MPPED1: variants seen among roughly 807,000 people sequenced by gnomAD.
MPPED1 encodes metallophosphoesterase domain-containing protein 1.
In MPPED1, 16 loss-of-function variants were observed where a neutral mutation model predicts 36.2. The observed-to-expected ratio is 0.44, with a 90% CI of 0.30 to 0.67. The LOEUF is 0.67. Ranked by LOEUF, MPPED1 falls within the 30% of genes least tolerant of loss-of-function variation. The pLI, the probability that MPPED1 is intolerant of heterozygous loss-of-function variation, is 0.10. For synonymous variants in MPPED1, 199 were observed against 191.3 expected (o/e 1.04, Z -0.33); for missense variants, 307 against 453.4 (o/e 0.68, Z 2.93).
rs1390545903 is a variant in MPPED1, at chr22:43,424,886, C to G, written c.-78-22C>G. ...AATCCCAAACAGATTAACTGTCGCA[C>G]GGTTCTGCTCCGTCTCCTCAGTCTG... is the stretch of plus-strand genomic sequence containing the variant. On this transcript the variant is annotated intron_variant, in intron 1 of 6. Transcript: ENST00000443721. The G allele has an allele frequency of 6.7e-6, 10 of 1,499,188 alleles. No homozygotes were observed. In the East Asian group the frequency reaches 1.2e-4, roughly 19 times the overall value. 92.9% of individuals were successfully genotyped at this position (1,499,188 alleles called of 1,614,324 possible). A position where few individuals can be genotyped will look rare whatever the true frequency, so the allele number is the denominator to read the frequency against.
intron 1 of MPPED1, among the ~76,000 whole-genome samples, chr22:43,424,310 A>G (rs531756032): frequency 6.6e-6 from 1 of 152,208 alleles, no homozygotes; most frequent in Admixed American, 6.5e-5. Flanking sequence ...GTGACCATCT[A>G]TGTCTGGGAA....
intron 5 of MPPED1, among the ~76,000 whole-genome samples, chr22:43,499,239 G>A (rs1353085823): frequency 6.6e-6 from 1 of 150,526 alleles, no homozygotes; most frequent in Non-Finnish European, 1.5e-5. Context: ...CAGTGGGGAT[G>A]GGGTGGTGGT....
chr22:43,417,114 T>A, intron 1 of MPPED1: 1 of 652,352 alleles, frequency 1.5e-6, no homozygotes, highest in Non-Finnish European at 1.9e-6. Flanking sequence ...TTAGAAAGTG[T>A]AATTTAAAAT....
intron 4 of MPPED1, among the ~76,000 whole-genome samples, chr22:43,486,013 G>A (rs897846855): frequency 1.3e-5 from 2 of 152,314 alleles, no homozygotes; most frequent in East Asian, 1.9e-4. Context: ...TGGGCCCACC[G>A]GGCTAGGAGA....
intron 4 of MPPED1, among the ~76,000 whole-genome samples, chr22:43,491,251 GGTA>G (rs1932072912): frequency 6.6e-6 from 1 of 152,228 alleles, no homozygotes; most frequent in African/African-American, 2.4e-5. Context: ...CAATAATGAT[GGTA>G]GTGGTGATAT....
At chr22:43,460,261 A>C (rs566042483) in intron 3 of MPPED1, among the ~76,000 whole-genome samples, 3 of 121,880 alleles carry the variant, frequency 2.5e-5, no homozygotes, top group South Asian at 2.8e-4. Context: ...AAACAAACCC[A>C]AACCCCCCCC....
chr22:43,429,861 C>T (rs998496871), intron 2 of MPPED1, among the ~76,000 whole-genome samples: 7 of 152,090 alleles, frequency 4.6e-5, no homozygotes, highest in Admixed American at 3.3e-4. Context: ...CTGTGGCCTC[C>T]GTGGAGTGGG....
intron 3 of MPPED1, among the ~76,000 whole-genome samples, chr22:43,469,623 C>T (rs540354528): frequency 1.3e-5 from 2 of 152,264 alleles, no homozygotes; most frequent in Admixed American, 1.3e-4. Context: ...GTCCTCCATA[C>T]CCACCTGCAA....
rs1316775639 is a variant in MPPED1, at chr22:43,448,305, T to A, written c.406+13090T>A. The stretch of plus-strand genomic sequence containing the variant: ...TGGTAACCACGAGCCCCCATGTGGG[T>A]ATGGAGCACTCAAAATTCAGTTAGT... On this transcript the variant is annotated intron_variant, in intron 3 of 6. Transcript: ENST00000443721. 2.6e-5 allele frequency among the ~76,000 whole-genome samples: 4 copies of A among 152,208 alleles called. No homozygotes were observed. In the East Asian group the frequency reaches 7.7e-4, roughly 29 times the overall value.
chr22:43,434,583 C>G (rs566768736), intron 2 of MPPED1, among the ~76,000 whole-genome samples: 1 of 152,312 alleles, frequency 6.6e-6, no homozygotes, highest in South Asian at 2.1e-4. Context: ...CCTAAACACA[C>G]GTACGGCACC....
At chr22:43,469,903 C>T (rs866411773) in intron 3 of MPPED1, among the ~76,000 whole-genome samples, 4 of 152,032 alleles carry the variant, frequency 2.6e-5, no homozygotes, top group South Asian at 2.1e-4. Flanking sequence ...ACCATCTATC[C>T]GTCCATCCAT....
At chr22:43,418,381 C>T in intron 1 of MPPED1, 1 of 342,334 alleles carries the variant, frequency 2.9e-6, no homozygotes, top group South Asian at 2.2e-5. Flanking sequence ...GTGCAATCCT[C>T]CAAGATCTTC....
chr22:43,475,981 G>A (rs1006637634), intron 4 of MPPED1, among the ~76,000 whole-genome samples: 1 of 101,632 alleles, frequency 9.8e-6, no homozygotes, highest in Non-Finnish European at 2.2e-5. Flanking sequence ...CGGTGGTGGT[G>A]GTAGTGATGG....
At chr22:43,460,678 G>C (rs1431878748) in intron 3 of MPPED1, among the ~76,000 whole-genome samples, 1 of 152,132 alleles carries the variant, frequency 6.6e-6, no homozygotes, top group African/African-American at 2.4e-5. Flanking sequence ...TGACTGGTCA[G>C]AGATTTCCTT....
chr22:43,415,419 C>A (rs1929046587), intron 1 of MPPED1, among the ~76,000 whole-genome samples: 1 of 151,960 alleles, frequency 6.6e-6, no homozygotes, highest in African/African-American at 2.4e-5. Flanking sequence ...GACTTTTTTC[C>A]CCCTAATGAG....
intron 6 of MPPED1, among the ~76,000 whole-genome samples, chr22:43,503,207 C>T (rs1007250710): frequency 6.6e-6 from 1 of 152,212 alleles, no homozygotes; most frequent in Non-Finnish European, 1.5e-5. Flanking sequence ...GAGGGACTAC[C>T]TGTGATGGTG....
intron 4 of MPPED1, among the ~76,000 whole-genome samples, chr22:43,495,346 GTTGATGGAGGTGATGGTGGTGATGGTA>G (rs1932236601): frequency 6.7e-6 from 1 of 148,296 alleles, no homozygotes; most frequent in African/African-American, 2.5e-5. Context: ...TGATGGAGGT[GTTGATGGAGGTGATGGTGGTGATGGTA>G]GTGGTGATGG....
intron 4 of MPPED1, among the ~76,000 whole-genome samples, chr22:43,479,079 G>A (rs1931666486): frequency 6.6e-6 from 1 of 152,128 alleles, no homozygotes; most frequent in African/African-American, 2.4e-5. Flanking sequence ...GGGGGGTTGT[G>A]CACCCCCTCC....
chr22:43,494,914 A>G (rs1932211695), intron 4 of MPPED1, among the ~76,000 whole-genome samples: 1 of 152,168 alleles, frequency 6.6e-6, no homozygotes, highest in Admixed American at 6.5e-5. Flanking sequence ...GTTTCCTTAC[A>G]TAGTGGAAGG....
Sources: gnomAD v4.1 joint callset for allele counts (sites outside exome capture counted in the v4.1 genomes callset) on GRCh38, gnomAD v4.1.1 for gene constraint, MANE v1.5 for transcripts, NCBI Gene and HGNC (gene_info 2026-07-23, HGNC 2026-07-21) for gene names.